Variants in LARS1 observed in about 807,000 individuals in gnomAD.
LARS1 encodes the protein leucyl-tRNA synthetase 1.
Under a neutral mutation model 162.8 loss-of-function variants are expected in LARS1, and 100 were observed. That is an observed-to-expected ratio of 0.61 (90% CI 0.52 to 0.73). LARS1 has a LOEUF of 0.73. LARS1 is among the 30% of genes least tolerant of loss of function. LARS1 has a pLI of 0.00. For synonymous variants in LARS1, 457 were observed against 462.8 expected, an observed-to-expected ratio of 0.99 and a Z score of 0.16; for missense variants, 1,258 against 1,408.9, an observed-to-expected ratio of 0.89 and a Z score of 1.71.
At chr5:146,150,621 C>T (rs751828679) in intron 14 of LARS1, among the ~76,000 whole-genome samples, 2 of 88,284 alleles carry the variant, frequency 2.3e-5, no homozygotes, top group African/African-American at 3.0e-5. Context: ...AGCAAGACTC[C>T]GTCTCAAAAA....
At chr5:146,169,466 A>T (rs1426307138) in intron 4 of LARS1, among the ~76,000 whole-genome samples, 1 of 152,220 alleles carries the variant, frequency 6.6e-6, no homozygotes, top group African/African-American at 2.4e-5. Flanking sequence ...AAGGATGATT[A>T]AAGGATGATA....
chr5:146,143,781 C>T (rs1026999096), intron 18 of LARS1, among the ~76,000 whole-genome samples: 2 of 151,914 alleles, frequency 1.3e-5, no homozygotes, highest in African/African-American at 4.8e-5. Flanking sequence ...GGTGGATCAC[C>T]TGAGGTCGGG....
At chr5:146,181,811 A>ATTT (rs1303277989) in intron 1 of LARS1, among the ~76,000 whole-genome samples, 2 of 63,460 alleles carry the variant, frequency 3.2e-5, no homozygotes, top group East Asian at 1.3e-3. Flanking sequence ...GAAAAGAGAG[A>ATTT]TTTTTGTCTG....
chr5:146,124,589 C>T lies in LARS1; in HGVS notation c.2992-503G>A, dbSNP rs79021333. Reference sequence around the variant, plus strand: ...CTGCAAAGTTTAAAGAAAAAAAACTCATACTACATGAGTACTCAAACATGG... The same window carrying T: ...CTGCAAAGTTTAAAGAAAAAAAACTTATACTACATGAGTACTCAAACATGG... On this transcript the variant is annotated intron_variant, in intron 28 of 31. Coordinates refer to ENST00000394434, the MANE Select transcript of LARS1 (RefSeq NM_020117.11). Among the ~76,000 whole-genome samples, 330 of 151,966 alleles carry T rather than the reference C, an allele frequency of 2.2e-3. 3 individuals are homozygous for T. Among genetic ancestry groups the T allele is most frequent in the African/African-American group, 7.7e-3 (321 of 41,502 alleles).
At chr5:146,181,014 C>A (rs1754809209) in intron 1 of LARS1, 1 of 152,232 alleles carries the variant, frequency 6.6e-6, no homozygotes, top group Admixed American at 6.6e-5. Context: ...TCTCTTACCT[C>A]GTTTTTGCCA....
At chr5:146,115,046 GAAAAAAAAA>G (rs35008800) in intron 31 of LARS1, among the ~76,000 whole-genome samples, 9 of 97,650 alleles carry the variant, frequency 9.2e-5, no homozygotes, top group African/African-American at 2.6e-4. Context: ...CTGTCGGGGG[GAAAAAAAAA>G]AAAAAAAAAA....
chr5:146,176,284 T>G (rs1754565783), intron 2 of LARS1, among the ~76,000 whole-genome samples: 1 of 151,346 alleles, frequency 6.6e-6, no homozygotes, highest in African/African-American at 2.4e-5. Flanking sequence ...AAACCCCGTC[T>G]CTACTAAAAA....
intron 31 of LARS1, among the ~76,000 whole-genome samples, chr5:146,116,487 C>A (rs1166484670): frequency 6.6e-6 from 1 of 152,172 alleles, no homozygotes; most frequent in African/African-American, 2.4e-5. Context: ...AACATATTTG[C>A]TTTGATGTTT....
intron 31 of LARS1, among the ~76,000 whole-genome samples, chr5:146,120,043 C>T (rs1024308539): frequency 1.3e-5 from 2 of 152,112 alleles, no homozygotes; most frequent in South Asian, 4.1e-4. Context: ...GGTATGTGTT[C>T]CTTGATTCTG....
At chr5:146,120,317 A>G in intron 31 of LARS1, 54 bp downstream of exon 31, 1 of 1,591,624 alleles carries the variant, frequency 6.3e-7, no homozygotes. Context: ...TTCTGCTTAG[A>G]ACTCACCAAA....
chr5:146,180,461 G>A (rs73317844), intron 1 of LARS1, among the ~76,000 whole-genome samples: 3,993 of 151,210 alleles, frequency 0.026, 159 homozygotes, highest in African/African-American at 0.087. Flanking sequence ...TTGAACTTGG[G>A]AGGCACCACT....
chr5:146,120,321 C>T (rs1477584957), intron 31 of LARS1, 50 bp downstream of exon 31: 2 of 1,601,502 alleles, frequency 1.2e-6, no homozygotes, highest in East Asian at 2.2e-5. Flanking sequence ...GCTTAGAACT[C>T]ACCAAATCTA....
At chr5:146,171,725 G>GAA (rs1170370498) in intron 4 of LARS1, among the ~76,000 whole-genome samples, 185 bp downstream of exon 4, 1 of 152,034 alleles carries the variant, frequency 6.6e-6, no homozygotes. Context: ...GACCATAATG[G>GAA]ATGCCCTTTA....
In LARS1 at chr5:146,113,976, C is replaced by A. The variant is rs1043409919; in HGVS notation, c.*130G>T. The A allele has an allele frequency of 3.2e-5, 23 of 716,072 alleles. No individual in the cohort carries two copies. In the Admixed American group the frequency reaches 5.0e-4, roughly 15 times the overall value. The allele number at this position is 716,072 out of a possible 1,614,324, so 44.4% of individuals were successfully genotyped here. A position where few individuals can be genotyped will look rare whatever the true frequency, so the allele number is the denominator to read the frequency against. On this transcript the variant is annotated 3_prime_UTR_variant, in exon 32 of 32. Coordinates refer to ENST00000394434, the MANE Select transcript of LARS1 (RefSeq NM_020117.11). Reference sequence around the variant, plus strand: ...GACTTGATAGAATTATGAATACATGCAGAATTGGATGGTTAGAAATGAAAT... The same window carrying A: ...GACTTGATAGAATTATGAATACATGAAGAATTGGATGGTTAGAAATGAAAT...
intron 6 of LARS1, among the ~76,000 whole-genome samples, chr5:146,162,586 T>G (rs898803065): frequency 6.6e-6 from 1 of 152,176 alleles, no homozygotes; most frequent in South Asian, 2.1e-4. Context: ...AAATGGTAAA[T>G]GAGCACTAGT....
At chr5:146,118,564 T>A (rs1430331481) in intron 31 of LARS1, among the ~76,000 whole-genome samples, 1 of 152,252 alleles carries the variant, frequency 6.6e-6, no homozygotes, top group Non-Finnish European at 1.5e-5. Context: ...GTGATGGATA[T>A]GTTAATTATC....
rs1452057530 is a variant in LARS1, at chr5:146,149,712, G to C, written c.1426-13C>G. ...CCACCAACATGATCTAAAAGGATGA[G>C]AGGGGAGAAAAACCACATATAAAAC... On this transcript the variant is annotated splice_polypyrimidine_tract_variant and intron_variant, in intron 14 of 31. Coordinates refer to ENST00000394434, the MANE Select transcript of LARS1 (RefSeq NM_020117.11). The C allele has an allele frequency of 1.0e-5, 16 of 1,592,150 alleles. No individual in the cohort carries two copies. Among genetic ancestry groups the C allele is most frequent in the Non-Finnish European group, 1.4e-5 (16 of 1,160,444 alleles).
At chr5:146,157,237 G>C (rs541036391) in intron 10 of LARS1, among the ~76,000 whole-genome samples, 166 bp downstream of exon 10, 1 of 152,230 alleles carries the variant, frequency 6.6e-6, no homozygotes, top group Admixed American at 6.5e-5. Flanking sequence ...TGGTGTTTAC[G>C]TAAGTGTATA....
intron 5 of LARS1, among the ~76,000 whole-genome samples, chr5:146,167,784 C>T (rs1209034712): frequency 6.6e-6 from 1 of 152,110 alleles, no homozygotes; most frequent in African/African-American, 2.4e-5. Context: ...CCGCCTCGGC[C>T]TCCCCAAGTG....
Sources: gnomAD v4.1 joint callset for allele counts (sites outside exome capture counted in the v4.1 genomes callset) on GRCh38, gnomAD v4.1.1 for gene constraint, MANE v1.5 for transcripts, NCBI Gene and HGNC (gene_info 2026-07-23, HGNC 2026-07-21) for gene names.